Variants in DLGAP1 observed in about 807,000 individuals in gnomAD.
DLGAP1 encodes the protein disks large-associated protein 1.
Under a neutral mutation model 90.8 loss-of-function variants are expected in DLGAP1, and 11 were observed. That is an observed-to-expected ratio of 0.12 (90% CI 0.08 to 0.20). The LOEUF (loss-of-function observed/expected upper bound fraction) is 0.20, where lower values mean the gene tolerates loss of function less well. DLGAP1 is among the 10% of genes least tolerant of loss of function. The probability of loss-of-function intolerance (pLI) is 1.00; values close to 1 mark genes in which losing one functional copy is unlikely to be tolerated. For missense variants in DLGAP1, 1,050 were observed against 1,333.8 expected (o/e 0.79, Z 3.31); for synonymous variants, 558 against 540.7 (o/e 1.03, Z -0.44).
At chr18:4,000,749 C>A (rs1273438943) in intron 3 of DLGAP1, among the ~76,000 whole-genome samples, 1 of 152,210 alleles carries the variant, frequency 6.6e-6, no homozygotes, top group Non-Finnish European at 1.5e-5. Context: ...TGTCTTCTGG[C>A]ACAAAGCATT....
At chr18:4,194,688 G>C (rs1016942970) in intron 1 of DLGAP1, among the ~76,000 whole-genome samples, 1 of 151,810 alleles carries the variant, frequency 6.6e-6, no homozygotes, top group Admixed American at 6.6e-5. Flanking sequence ...TATAATTCTG[G>C]CTTATTTAAC....
In DLGAP1 at chr18:3,565,849, C is replaced by A. The variant is rs184311617; in HGVS notation, c.2057+1641G>T. Among the ~76,000 whole-genome samples the A allele has an allele frequency of 1.4e-3, 203 of 144,754 alleles. 6 individuals carry two copies. In the East Asian group the frequency reaches 0.039, roughly 28 times the overall value. The allele number at this position is 144,754 out of a possible 152,430, so 95.0% of individuals were successfully genotyped here. A position where few individuals can be genotyped will look rare whatever the true frequency, so the allele number is the denominator to read the frequency against. On this transcript the variant is annotated intron_variant, in intron 9 of 12. Transcript: ENST00000315677. The surrounding 1 kb of genome is among the most constrained non-coding windows in gnomAD (Gnocchi z 4.0). The stretch of plus-strand genomic sequence containing the variant: ...GACTCTGTCTCAAAAAAACCACACA[C>A]AAAAAACAAACAAACAAAAAAAAAT...
At position 4,290,539 on chromosome 18, in the gene DLGAP1, C is replaced by T. The variant is rs889693526; in HGVS notation, c.-266-139252G>A. 3.9e-5 allele frequency among the ~76,000 whole-genome samples: 6 copies of T among 152,174 alleles called. No individual in the cohort carries two copies. The South Asian group carries it at 8.3e-4, about 21-fold the overall frequency. On this transcript the variant is annotated intron_variant, in intron 1 of 12. Transcript: ENST00000315677. ...CTTAAGTGCACAGATAGAAGGTTCA[C>T]GGTCACTGTCGGGGAGAAGTTCAGT...
chr18:4,059,210 T>A (rs1279706115), intron 2 of DLGAP1, among the ~76,000 whole-genome samples: 1 of 152,164 alleles, frequency 6.6e-6, no homozygotes. Flanking sequence ...ATCCTAAAGA[T>A]GAATGGGGGC....
chr18:3,934,356 G>C (rs780127942), intron 3 of DLGAP1, among the ~76,000 whole-genome samples: 3 of 152,172 alleles, frequency 2.0e-5, no homozygotes, highest in Non-Finnish European at 4.4e-5. Flanking sequence ...GCAAAGATGA[G>C]TTAATTCAAA....
rs1295881714 is a variant in DLGAP1 at position 3,600,873 on chromosome 18, GATAT to G, written c.1592-18629_1592-18626del. Among the ~76,000 whole-genome samples the G allele has an allele frequency of 2.9e-3, 21 of 7,234 alleles. 1 individual carries two copies. Among genetic ancestry groups the G allele is most frequent in the South Asian group, 0.017 (6 of 358 alleles). The allele number at this position is 7,234 out of a possible 152,430, so 4.7% of individuals were successfully genotyped here. On this transcript the variant is annotated intron_variant, in intron 7 of 12. Transcript: ENST00000315677. ...ATATATAGATATATATAGATATATAGATATATAGATAGATATATAGATATATATA... is the reference window on the plus strand; with the variant it reads ...ATATATAGATATATATAGATATATAGATAGATAGATATATAGATATATATA...
intron 1 of DLGAP1, chr18:4,280,820 T>G (rs1027894975): frequency 6.6e-6 from 1 of 152,230 alleles, no homozygotes; most frequent in Non-Finnish European, 1.5e-5. Flanking sequence ...TGGGCATAGA[T>G]AATTGCTGTG....
chr18:4,304,280 G>C (rs2080197120), intron 1 of DLGAP1, among the ~76,000 whole-genome samples: 1 of 152,210 alleles, frequency 6.6e-6, no homozygotes, highest in Non-Finnish European at 1.5e-5. Flanking sequence ...CTTTAAGATT[G>C]TTAAATAGTA....
chr18:3,703,695 G>T (rs1199541589), intron 7 of DLGAP1, among the ~76,000 whole-genome samples: 1 of 152,130 alleles, frequency 6.6e-6, no homozygotes, highest in Non-Finnish European at 1.5e-5. Flanking sequence ...TTCTAGAAAA[G>T]AATTGTTTCT....
chr18:3,500,497 A>C (rs2049872728), intron 12 of DLGAP1, among the ~76,000 whole-genome samples: 1 of 152,214 alleles, frequency 6.6e-6, no homozygotes, highest in African/African-American at 2.4e-5. Flanking sequence ...TCAGCACAGC[A>C]ATTCCTCCCT....
At chr18:4,422,602 AT>A (rs552762186) in intron 1 of DLGAP1, among the ~76,000 whole-genome samples, 327 of 152,106 alleles carry the variant, frequency 2.1e-3, no homozygotes, top group Non-Finnish European at 2.5e-3. Context: ...TTAGATATGA[AT>A]TGTCTTCTGA....
At chr18:4,263,706 A>C (rs1317515902) in intron 1 of DLGAP1, among the ~76,000 whole-genome samples, 3 of 152,200 alleles carry the variant, frequency 2.0e-5, no homozygotes, top group Admixed American at 2.0e-4. Context: ...CAATTAATCA[A>C]TTCTGGTTCA....
At chr18:4,042,625 A>G (rs1361358816) in intron 2 of DLGAP1, among the ~76,000 whole-genome samples, 2 of 152,204 alleles carry the variant, frequency 1.3e-5, no homozygotes, top group Non-Finnish European at 2.9e-5. Context: ...CTGTAGTCCT[A>G]GCTGTTCGGG....
In DLGAP1 at chr18:3,542,802, T is replaced by C. The variant is rs530414095; in HGVS notation, c.2058-8187A>G. 3.9e-5 allele frequency among the ~76,000 whole-genome samples: 6 copies of C among 152,318 alleles called. No individual in the cohort carries two copies. In the South Asian group the frequency reaches 1.2e-3, roughly 32 times the overall value. On this transcript the variant is annotated intron_variant, in intron 9 of 12. Transcript: ENST00000315677. ...AAATTACATCAGAAATATCTCACTT[T>C]AGGAAACGTAGCCGAGTTGGAATGG...
intron 1 of DLGAP1, among the ~76,000 whole-genome samples, chr18:4,330,050 A>C (rs2143714593): frequency 6.6e-6 from 1 of 152,072 alleles, no homozygotes; most frequent in Non-Finnish European, 1.5e-5. Flanking sequence ...CTTGATAGAC[A>C]TTGAGCTTTT....
chr18:4,150,537 C>T (rs1322823724), intron 2 of DLGAP1, among the ~76,000 whole-genome samples: 1 of 152,174 alleles, frequency 6.6e-6, no homozygotes, highest in Middle Eastern at 3.4e-3. Flanking sequence ...ATTACAGGCA[C>T]CTGCCACTGC....
At chr18:4,096,523 C>T (rs1568394425) in intron 2 of DLGAP1, among the ~76,000 whole-genome samples, 2 of 145,976 alleles carry the variant, frequency 1.4e-5, no homozygotes, top group Non-Finnish European at 3.0e-5. Context: ...TTTTGCCATT[C>T]TTTTTTTTTT....
intron 1 of DLGAP1, among the ~76,000 whole-genome samples, chr18:4,451,482 A>C (rs535300521): frequency 4.6e-5 from 7 of 152,330 alleles, no homozygotes; most frequent in African/African-American, 1.7e-4. Context: ...TAATAGATTA[A>C]AATGAATGTC....
At chr18:4,247,333 G>T (rs1045054138) in intron 1 of DLGAP1, among the ~76,000 whole-genome samples, 3 of 152,142 alleles carry the variant, frequency 2.0e-5, no homozygotes, top group Admixed American at 6.5e-5. Flanking sequence ...AGCATACAAG[G>T]TTAAGATACT....
Sources: gnomAD v4.1 joint callset for allele counts (sites outside exome capture counted in the v4.1 genomes callset) on GRCh38, gnomAD v4.1.1 for gene constraint, Gnocchi (gnomAD v3.1) non-coding constraint, MANE v1.5 for transcripts, NCBI Gene and HGNC (gene_info 2026-07-23, HGNC 2026-07-21) for gene names.